ADCY2: variants seen among roughly 807,000 people sequenced by gnomAD.
The protein encoded by ADCY2 is adenylate cyclase 2.
Under a neutral mutation model 125.2 loss-of-function variants are expected in ADCY2, and 31 were observed. The ratio of observed to expected loss-of-function variants is 0.25; its 90% confidence interval spans 0.19 to 0.33. The LOEUF is 0.33. Ranked by LOEUF, ADCY2 falls within the 10% of genes least tolerant of loss-of-function variation. ADCY2 has a pLI of 1.00. For missense variants in ADCY2, 904 were observed against 1,418.2 expected (o/e 0.64, Z 5.82); for synonymous variants, 512 against 548.4 (o/e 0.93, Z 0.93).
chr5:7,665,794 G>A lies in ADCY2; in HGVS notation c.721-24897G>A, dbSNP rs186937749. Reference sequence around the variant, plus strand: ...TTACTCTTTAAGATATCTGTTCTGGGTCTATTTATGTTTTGTTTTTTTTTA... The same window carrying A: ...TTACTCTTTAAGATATCTGTTCTGGATCTATTTATGTTTTGTTTTTTTTTA... On this transcript the variant is annotated intron_variant, in intron 4 of 24. Coordinates refer to ENST00000338316, the MANE Select transcript of ADCY2 (RefSeq NM_020546.3). 1.2e-3 allele frequency among the ~76,000 whole-genome samples: 161 copies of A among 136,344 alleles called. 2 individuals are homozygous for A. The highest frequency in any genetic ancestry group is 1.8e-3 in the Non-Finnish European group (117 of 63,448). 89.4% of individuals were successfully genotyped at this position (136,344 alleles called of 152,430 possible).
intron 5 of ADCY2, among the ~76,000 whole-genome samples, chr5:7,694,225 G>A (rs937454179): frequency 6.6e-6 from 1 of 152,158 alleles, no homozygotes; most frequent in African/African-American, 2.4e-5. Context: ...CCCTGCTCTG[G>A]CTGAGACCCT....
Position 7,598,083 on chromosome 5 carries a change from T to TA in ADCY2, c.571-28083dup, listed in dbSNP as rs530196487. The stretch of plus-strand genomic sequence containing the variant: ...ATTAGTGGTCAACTGAAATACAAGA[T>TA]ACGCATGGTGTGGTGGAGTGCATGA... On this transcript the variant is annotated intron_variant, in intron 3 of 24. Transcript: ENST00000338316. Among the ~76,000 whole-genome samples, 133 of 152,322 alleles carry TA rather than the reference T, an allele frequency of 8.7e-4. 1 individual carries two copies. The Middle Eastern group carries it at 0.02, about 23-fold the overall frequency.
At chr5:7,422,807 T>C (rs1007476282) in intron 2 of ADCY2, among the ~76,000 whole-genome samples, 1 of 152,210 alleles carries the variant, frequency 6.6e-6, no homozygotes, top group African/African-American at 2.4e-5. Flanking sequence ...AACATCTTTT[T>C]TTATTGAAAA....
At chr5:7,568,243 T>C (rs1402152725) in intron 3 of ADCY2, among the ~76,000 whole-genome samples, 5 of 152,152 alleles carry the variant, frequency 3.3e-5, no homozygotes, top group African/African-American at 1.2e-4. Context: ...GCAGTCCTAA[T>C]TGATATTATA....
chr5:7,796,755 T>A (rs1001010027), intron 20 of ADCY2: 4 of 152,222 alleles, frequency 2.6e-5, no homozygotes, highest in Admixed American at 6.5e-5. Flanking sequence ...TGCACCCAGA[T>A]GGGAGCCTTC....
intron 11 of ADCY2, among the ~76,000 whole-genome samples, chr5:7,713,864 G>T (rs1741518561): frequency 6.6e-6 from 1 of 152,058 alleles, no homozygotes; most frequent in Non-Finnish European, 1.5e-5. Flanking sequence ...TAGTTTTATA[G>T]AAACTAAGGA....
chr5:7,468,109 A>T (rs1439620256), intron 2 of ADCY2, among the ~76,000 whole-genome samples: 1 of 152,224 alleles, frequency 6.6e-6, no homozygotes, highest in Admixed American at 6.5e-5. Flanking sequence ...GAAGAATTTT[A>T]AAAAATCAAT....
At chr5:7,623,587 A>G (rs141595135) in intron 3 of ADCY2, among the ~76,000 whole-genome samples, 1 of 152,216 alleles carries the variant, frequency 6.6e-6, no homozygotes, top group Non-Finnish European at 1.5e-5. Context: ...GGCTTTCCAC[A>G]TGCTCCAGGA....
At chr5:7,668,185 T>G (rs2126701275) in intron 4 of ADCY2, among the ~76,000 whole-genome samples, 1 of 152,332 alleles carries the variant, frequency 6.6e-6, no homozygotes, top group South Asian at 2.1e-4. Flanking sequence ...GATGTTTTTG[T>G]GAAGGTTATT....
chr5:7,492,662 AGATT>A (rs1429609828), intron 2 of ADCY2, among the ~76,000 whole-genome samples: 1 of 151,658 alleles, frequency 6.6e-6, no homozygotes, highest in African/African-American at 2.4e-5. Flanking sequence ...CCTTTAACAG[AGATT>A]TGCATCTGAG....
chr5:7,772,541 C>A (rs1743586498), intron 17 of ADCY2, among the ~76,000 whole-genome samples: 1 of 151,792 alleles, frequency 6.6e-6, no homozygotes, highest in Non-Finnish European at 1.5e-5. Context: ...ATTGAAAGGC[C>A]AAAAAAGATC....
In ADCY2 at chr5:7,419,776, C is replaced by G. The variant is rs567807844; in HGVS notation, c.408+5006C>G. ...CATATAAGGTTAACTCTAAACTGTA[C>G]AGTGGCTTGAGTGTAGCTCATAGTC... On this transcript the variant is annotated intron_variant, in intron 2 of 24. Transcript: ENST00000338316. Among the ~76,000 whole-genome samples, 9 of 152,320 alleles carry G rather than the reference C, an allele frequency of 5.9e-5. No individual in the cohort carries two copies. The South Asian group carries it at 1.9e-3, about 32-fold the overall frequency.
At chr5:7,699,253 A>G (rs1741000836) in intron 7 of ADCY2, among the ~76,000 whole-genome samples, 2 of 148,480 alleles carry the variant, frequency 1.3e-5, no homozygotes. Flanking sequence ...GCCCGCCACT[A>G]CGCCCGGCTA....
chr5:7,636,191 C>T (rs1183821244), intron 4 of ADCY2, among the ~76,000 whole-genome samples: 1 of 152,238 alleles, frequency 6.6e-6, no homozygotes, highest in Non-Finnish European at 1.5e-5. Context: ...TTATTGTTTA[C>T]AGATCTGGAG....
At chr5:7,668,554 T>C (rs1739832345) in intron 4 of ADCY2, among the ~76,000 whole-genome samples, 1 of 152,196 alleles carries the variant, frequency 6.6e-6, no homozygotes, top group African/African-American at 2.4e-5. Context: ...ACATGGAGAA[T>C]TTAAAAACAA....
At chr5:7,513,288 A>G (rs1744140713) in intron 2 of ADCY2, among the ~76,000 whole-genome samples, 1 of 152,230 alleles carries the variant, frequency 6.6e-6, no homozygotes, top group African/African-American at 2.4e-5. Flanking sequence ...ATTAAACAGA[A>G]GATGGCTTTA....
At chr5:7,736,146 G>T (rs550128648) in intron 14 of ADCY2, among the ~76,000 whole-genome samples, 1 of 152,248 alleles carries the variant, frequency 6.6e-6, no homozygotes, top group South Asian at 2.1e-4. Flanking sequence ...CTGTAGCCCG[G>T]GAAGTAGAGG....
In ADCY2 at chr5:7,827,657, C is replaced by T. The variant is rs1745532414; in HGVS notation, c.*786C>T. The T allele has an allele frequency of 1.3e-5, 2 of 152,310 alleles. No individual in the cohort carries two copies. Among genetic ancestry groups the T allele is most frequent in the African/African-American group, 4.8e-5 (2 of 41,430 alleles). The allele number at this position is 152,310 out of a possible 1,614,324, so 9.4% of individuals were successfully genotyped here. Reference sequence around the variant, plus strand: ...TGTTTCAGAAAGAGCTCTCCAGAAGCCAATATTGAGATGTAATTCAGATTA... The same window carrying T: ...TGTTTCAGAAAGAGCTCTCCAGAAGTCAATATTGAGATGTAATTCAGATTA... On this transcript the variant is annotated 3_prime_UTR_variant, in exon 25 of 25. Coordinates refer to ENST00000338316, the MANE Select transcript of ADCY2 (RefSeq NM_020546.3).
At chr5:7,506,229 G>C (rs1012115763) in intron 2 of ADCY2, among the ~76,000 whole-genome samples, 1 of 152,118 alleles carries the variant, frequency 6.6e-6, no homozygotes, top group Non-Finnish European at 1.5e-5. Flanking sequence ...TAAACAGTTG[G>C]AAGAATGCCA....
Sources: gnomAD v4.1 joint callset for allele counts (sites outside exome capture counted in the v4.1 genomes callset) on GRCh38, gnomAD v4.1.1 for gene constraint, MANE v1.5 for transcripts, NCBI Gene and HGNC (gene_info 2026-07-23, HGNC 2026-07-21) for gene names.